The following GALNT2 variants were observed in gnomAD, a reference collection of about 807,000 sequenced individuals.
The protein encoded by GALNT2 is UDP-GalNAc:polypeptide N-acetylgalactosaminyltransferase 2.
Under a neutral mutation model 81.4 loss-of-function variants are expected in GALNT2, and 31 were observed. The ratio of observed to expected loss-of-function variants is 0.38; its 90% CI spans 0.29 to 0.51. GALNT2 has a LOEUF of 0.51. Ranked by LOEUF, GALNT2 falls within the 20% of genes least tolerant of loss-of-function variation. The probability of loss-of-function intolerance (pLI) is 0.87; values close to 1 mark genes in which losing one functional copy is unlikely to be tolerated. For missense variants in GALNT2, 629 were observed against 765.7 expected (o/e 0.82, Z 2.11); for synonymous variants, 303 against 287.4 (o/e 1.05, Z -0.55).
rs181197371 is a variant in GALNT2 at position 230,074,723 on chromosome 1, A to G, written c.126+7317A>G. ...AATACGTTTTAATTTTCAAAATTTAATAAACACTTTCATGGCACTCACTGT... is the reference window on the plus strand; with the variant it reads ...AATACGTTTTAATTTTCAAAATTTAGTAAACACTTTCATGGCACTCACTGT... On this transcript the variant is annotated intron_variant, in intron 1 of 15. Transcript: ENST00000366672. 3.7e-3 allele frequency among the ~76,000 whole-genome samples: 569 copies of G among 152,370 alleles called. 2 individuals carry two copies. The highest frequency in any genetic ancestry group is 0.013 in the African/African-American group (540 of 41,576).
intron 3 of GALNT2, among the ~76,000 whole-genome samples, chr1:230,221,544 C>T (rs951373229): frequency 5.3e-5 from 8 of 152,090 alleles, no homozygotes; most frequent in African/African-American, 1.4e-4. Flanking sequence ...TCCTCTCTCC[C>T]GTCTTCCTTC....
At chr1:230,075,082 C>T (rs1375148078) in intron 1 of GALNT2, among the ~76,000 whole-genome samples, 3 of 134,232 alleles carry the variant, frequency 2.2e-5, no homozygotes, top group Admixed American at 1.5e-4. Context: ...AGCAGATGCA[C>T]ACTTGATAAT....
chr1:230,242,582 T>A (rs1665233453), intron 6 of GALNT2, among the ~76,000 whole-genome samples: 1 of 152,146 alleles, frequency 6.6e-6, no homozygotes, highest in Non-Finnish European at 1.5e-5. Flanking sequence ...TCACCCAGGC[T>A]GGAGTGCAGT....
At chr1:230,185,488 G>A (rs1257535565) in intron 2 of GALNT2, among the ~76,000 whole-genome samples, 1 of 152,130 alleles carries the variant, frequency 6.6e-6, no homozygotes, top group African/African-American at 2.4e-5. Flanking sequence ...GGGAACCTTT[G>A]TGTCTGGGCT....
intron 1 of GALNT2, among the ~76,000 whole-genome samples, chr1:230,142,395 T>A (rs1237017851): frequency 1.3e-5 from 2 of 152,108 alleles, no homozygotes; most frequent in African/African-American, 2.4e-5. Context: ...GTGCCCCCCA[T>A]GCTCAGAGGC....
intron 2 of GALNT2, among the ~76,000 whole-genome samples, chr1:230,187,263 CCA>C (rs1206016375): frequency 2.0e-5 from 3 of 152,224 alleles, no homozygotes; most frequent in African/African-American, 7.2e-5. Context: ...AGACCACCTC[CCA>C]CACACATATG....
intron 2 of GALNT2, among the ~76,000 whole-genome samples, chr1:230,197,108 C>A (rs1204070432): frequency 1.3e-5 from 2 of 152,078 alleles, no homozygotes; most frequent in Non-Finnish European, 2.9e-5. Flanking sequence ...TCTCTTCCTC[C>A]ACACTCCACC....
chr1:230,118,908 G>A (rs879730502), intron 1 of GALNT2, among the ~76,000 whole-genome samples: 6 of 152,092 alleles, frequency 3.9e-5, no homozygotes, highest in South Asian at 2.1e-4. Context: ...GCCTTTATCC[G>A]ATCAGCCTAT....
intron 1 of GALNT2, among the ~76,000 whole-genome samples, chr1:230,117,642 AT>A (rs1258257253): frequency 6.6e-6 from 1 of 152,208 alleles, no homozygotes; most frequent in Non-Finnish European, 1.5e-5. Context: ...ATGTTTATCC[AT>A]TAAGTTTGCC....
At chr1:230,262,739 C>G in intron 12 of GALNT2, 74 bp downstream of exon 12, 1 of 1,452,608 alleles carries the variant, frequency 6.9e-7, no homozygotes, top group Non-Finnish European at 9.6e-7. Flanking sequence ...AGGGGCTGCC[C>G]CCAGCGTTGA....
chr1:230,110,598 A>G (rs1244966744), intron 1 of GALNT2, among the ~76,000 whole-genome samples: 1 of 152,150 alleles, frequency 6.6e-6, no homozygotes, highest in African/African-American at 2.4e-5. Context: ...TGTGCTGCAT[A>G]CAGTGATAAT....
chr1:230,267,318 T>G (rs577238523), intron 14 of GALNT2, among the ~76,000 whole-genome samples: 59 of 152,344 alleles, frequency 3.9e-4, no homozygotes, highest in African/African-American at 1.3e-3. Context: ...GAACTCACAG[T>G]TGAGCAGAGG....
rs758106896 is a variant in GALNT2 at position 230,275,846 on chromosome 1, T to C, written c.1560+1282T>C. Among the ~76,000 whole-genome samples, 4 of 151,210 alleles carry C rather than the reference T, an allele frequency of 2.6e-5. No homozygotes were observed. Among genetic ancestry groups the C allele is most frequent in the Non-Finnish European group, 4.4e-5 (3 of 67,812 alleles). On this transcript the variant is annotated intron_variant, in intron 15 of 15. Transcript: ENST00000366672. This position sits in a 1 kb window ranked among gnomAD's most constrained non-coding sequence, Gnocchi z 5.5. ...TGCCACATATATACATGTATATACA[T>C]GCCACATAGATATACATATATAAAT... is the stretch of plus-strand genomic sequence containing the variant.
chr1:230,278,967 A>G (rs548495908), intron 15 of GALNT2, among the ~76,000 whole-genome samples: 4 of 152,286 alleles, frequency 2.6e-5, no homozygotes, highest in South Asian at 4.1e-4. Flanking sequence ...AAGGCATGCA[A>G]ATTCCCCTAC....
At chr1:230,058,911 AG>A (rs2102731189) in intron 1 of GALNT2, among the ~76,000 whole-genome samples, 1 of 152,312 alleles carries the variant, frequency 6.6e-6, no homozygotes, top group Admixed American at 6.5e-5. Flanking sequence ...GGAGTATGAC[AG>A]GGCCTGGGCA....
chr1:230,185,033 A>G (rs1443427485), intron 2 of GALNT2, among the ~76,000 whole-genome samples: 1 of 152,182 alleles, frequency 6.6e-6, no homozygotes, highest in Non-Finnish European at 1.5e-5. Context: ...CCCATTAAAG[A>G]CATTCCTCAT....
intron 14 of GALNT2, among the ~76,000 whole-genome samples, chr1:230,272,891 C>G (rs1666191227): frequency 6.6e-6 from 1 of 152,152 alleles, no homozygotes; most frequent in African/African-American, 2.4e-5. Context: ...ACCTCAGCCT[C>G]CCAAGTAGCT....
intron 6 of GALNT2, among the ~76,000 whole-genome samples, chr1:230,239,840 G>A (rs1411850663): frequency 1.3e-5 from 2 of 152,126 alleles, no homozygotes; most frequent in African/African-American, 4.8e-5. Flanking sequence ...TTTCATGTAT[G>A]CACAGTTGCC....
Position 230,183,969 on chromosome 1 carries a change from T to C in GALNT2, c.220+5658T>C, listed in dbSNP as rs540802265. Among the ~76,000 whole-genome samples the C allele has an allele frequency of 1.7e-4, 25 of 150,896 alleles. No individual in the cohort carries two copies. In the South Asian group the frequency reaches 4.8e-3, roughly 29 times the overall value. On this transcript the variant is annotated intron_variant, in intron 2 of 15. Coordinates refer to ENST00000366672, the MANE Select transcript of GALNT2 (RefSeq NM_004481.5). Reference sequence around the variant, plus strand: ...CTGAGCCTGGGTGACAGAGCAAGACTACAACTCAAAAAAAAAAAAGGAAAA... The same window carrying C: ...CTGAGCCTGGGTGACAGAGCAAGACCACAACTCAAAAAAAAAAAAGGAAAA...
Sources: gnomAD v4.1 joint callset for allele counts (sites outside exome capture counted in the v4.1 genomes callset) on GRCh38, gnomAD v4.1.1 for gene constraint, Gnocchi (gnomAD v3.1) non-coding constraint, MANE v1.5 for transcripts, NCBI Gene and HGNC (gene_info 2026-07-23, HGNC 2026-07-21) for gene names.